Variants in L3HYPDH observed in about 807,000 individuals in gnomAD.
L3HYPDH encodes the protein trans-3-hydroxy-L-proline dehydratase.
L3HYPDH carries 32 observed loss-of-function variants against 26.5 expected under a neutral mutation model. That is an observed-to-expected ratio of 1.21 (90% CI 0.91 to 1.62). L3HYPDH has a LOEUF of 1.62. Ranked by LOEUF, L3HYPDH falls within the 40% of genes most tolerant of loss-of-function variation. The pLI, the probability that L3HYPDH is intolerant of heterozygous loss-of-function variation, is 0.00. For missense variants in L3HYPDH, 554 were observed against 476.4 expected (o/e 1.16, Z -1.52); for synonymous variants, 215 against 196.6 (o/e 1.09, Z -0.78).
chr14:59,489,065 C>A (rs1161322005), upstream of L3HYPDH, among the ~76,000 whole-genome samples: 1 of 152,256 alleles, frequency 6.6e-6, no homozygotes, highest in African/African-American at 2.4e-5. Flanking sequence ...TCTCTTTTAG[C>A]CATGCTAACC....
Position 59,479,443 on chromosome 14 carries a change from A to T in L3HYPDH, c.509-92T>A, listed in dbSNP as rs377237498. On this transcript the variant is annotated intron_variant, in intron 1 of 4. Coordinates refer to ENST00000247194, the MANE Select transcript of L3HYPDH (RefSeq NM_144581.2). ...AGGATTTTTAATATGTTTATTTTTC[A>T]AGAGGGATGTTCTTTTCCTATCATA... 51 of 1,153,110 alleles carry T rather than the reference A, an allele frequency of 4.4e-5. 3 individuals carry two copies. Among genetic ancestry groups the T allele is most frequent in the Admixed American group, 3.3e-4 (13 of 39,004 alleles). 71.4% of individuals were successfully genotyped at this position (1,153,110 alleles called of 1,614,324 possible).
the L3HYPDH span, chr14:59,498,672 TA>T: frequency 6.1e-6 from 6 of 982,172 alleles, no homozygotes; most frequent in Admixed American, 1.3e-4. Flanking sequence ...TGATCAAGAT[TA>T]AAAACATTTT....
the L3HYPDH span, chr14:59,498,678 CAT>C: frequency 1.9e-6 from 2 of 1,045,786 alleles, no homozygotes; most frequent in South Asian, 3.3e-5. Flanking sequence ...AGATTAAAAA[CAT>C]TTTTAAAACA....
chr14:59,501,362 T>C, the L3HYPDH span: 1 of 761,652 alleles, frequency 1.3e-6, no homozygotes, highest in South Asian at 1.8e-5. Flanking sequence ...GTACAACTAA[T>C]TGTTTTAGTA....
chr14:59,503,850 A>G, the L3HYPDH span: 6 of 1,592,144 alleles, frequency 3.8e-6, no homozygotes, highest in African/African-American at 6.7e-5. Flanking sequence ...ACAAAATTAT[A>G]TAGAACTGCT....
At chr14:59,505,083 A>C in the L3HYPDH span, 1 of 431,314 alleles carries the variant, frequency 2.3e-6, no homozygotes, top group Non-Finnish European at 4.1e-6. Flanking sequence ...TTTATTGTTT[A>C]GAAGTTTATT....
At chr14:59,469,344 G>A (rs1889258714), downstream of L3HYPDH, among the ~76,000 whole-genome samples, 1 of 152,008 alleles carries the variant, frequency 6.6e-6, no homozygotes, top group African/African-American at 2.4e-5. Context: ...CACGAGATCA[G>A]GAGTTCAAGG....
chr14:59,499,579 C>T, the L3HYPDH span, among the ~76,000 whole-genome samples: 1 of 152,040 alleles, frequency 6.6e-6, no homozygotes, highest in African/African-American at 2.4e-5. Flanking sequence ...CACTTACTAC[C>T]AGGAGATAAA....
At chr14:59,481,817 C>T (rs764912966) in intron 1 of L3HYPDH, among the ~76,000 whole-genome samples, 1 of 152,180 alleles carries the variant, frequency 6.6e-6, no homozygotes, top group Non-Finnish European at 1.5e-5. Flanking sequence ...GGTTCCAACC[C>T]TAGTTCTGCC....
downstream of L3HYPDH, among the ~76,000 whole-genome samples, chr14:59,468,061 T>TA (rs34805254): frequency 0.4 from 61,071 of 151,992 alleles, 13,120 homozygotes; most frequent in African/African-American, 0.54. Flanking sequence ...ATAATGCTCT[T>TA]AAAAAAATTC....
chr14:59,469,874 G>A (rs74969230), downstream of L3HYPDH, among the ~76,000 whole-genome samples: 6,388 of 152,224 alleles, frequency 0.042, 178 homozygotes, highest in Middle Eastern at 0.11. Context: ...CTCTACAAGA[G>A]GGAAAACCAT....
At chr14:59,485,438 A>G (rs776240474), upstream of L3HYPDH, 31 of 242,960 alleles carry the variant, frequency 1.3e-4, no homozygotes, top group Non-Finnish European at 3.1e-5. Flanking sequence ...ATATTATTCA[A>G]TGCTGTTTCT....
At chr14:59,487,486 G>T, upstream of L3HYPDH, 1 of 486,398 alleles carries the variant, frequency 2.1e-6, no homozygotes, top group South Asian at 3.7e-5. Context: ...TAAGAGCATT[G>T]TACAAATATA....
the L3HYPDH span, among the ~76,000 whole-genome samples, chr14:59,491,872 G>A: frequency 6.6e-6 from 1 of 152,218 alleles, no homozygotes. Flanking sequence ...GCTAAGACTA[G>A]ACCCTCAAGG....
the L3HYPDH span, among the ~76,000 whole-genome samples, chr14:59,496,455 T>C: frequency 6.6e-6 from 1 of 152,042 alleles, no homozygotes; most frequent in Non-Finnish European, 1.5e-5. Flanking sequence ...TAAGATATAA[T>C]GTAATCTTAT....
chr14:59,494,121 G>GGGGGGT, the L3HYPDH span, among the ~76,000 whole-genome samples: 10 of 150,964 alleles, frequency 6.6e-5, no homozygotes, highest in African/African-American at 2.4e-4. Flanking sequence ...AGAAAATTTG[G>GGGGGGT]GTGTGTGTGT....
chr14:59,469,531 T>G (rs1889262412), downstream of L3HYPDH, among the ~76,000 whole-genome samples: 6 of 125,708 alleles, frequency 4.8e-5, no homozygotes, highest in South Asian at 1.6e-3. Context: ...ACTCTCGCCC[T>G]GGCGACAGAG....
the L3HYPDH span, among the ~76,000 whole-genome samples, chr14:59,502,755 T>TGTTTTTTTTTCTTTTTTTTTG: frequency 9.8e-5 from 12 of 122,900 alleles, 4 homozygotes; most frequent in Non-Finnish European, 6.6e-5. Context: ...ATGAGATTTT[T>TGTTTTTTTTTCTTTTTTTTTG]TTTTTTTTTT....
At chr14:59,486,898 A>C (rs1476880109), upstream of L3HYPDH, 11 of 900,192 alleles carry the variant, frequency 1.2e-5, no homozygotes, top group African/African-American at 1.7e-4. Context: ...TATACTCATT[A>C]ATTTATAAAA....
Sources: allele counts gnomAD v4.1 joint callset (sites outside exome capture counted in the v4.1 genomes callset), GRCh38; gene constraint gnomAD v4.1.1; transcripts MANE v1.5; gene names NCBI Gene and HGNC (gene_info 2026-07-23, HGNC 2026-07-21).